Variants in AAMDC observed in about 807,000 individuals in gnomAD.
AAMDC encodes the protein mth938 domain-containing protein.
AAMDC carries 16 observed loss-of-function variants against 15.5 expected under a neutral mutation model. The observed-to-expected ratio is 1.03, with a 90% CI of 0.70 to 1.57. The LOEUF (loss-of-function observed/expected upper bound fraction) is 1.57. Ranked by LOEUF, AAMDC falls within the 40% of genes most tolerant of loss-of-function variation. AAMDC has a pLI of 0.00. For synonymous variants in AAMDC, 51 were observed against 51.6 expected (o/e 0.99, Z 0.05); for missense variants, 141 against 144.9 (o/e 0.97, Z 0.14).
At chr11:77,878,895 T>C in intron 5 of AAMDC, 1 of 1,405,484 alleles carries the variant, frequency 7.1e-7, no homozygotes. Context: ...GCTTGGCTCA[T>C]TCTGACACCT....
At chr11:77,881,427 C>T (rs1160787835) in intron 5 of AAMDC, among the ~76,000 whole-genome samples, 7 of 152,154 alleles carry the variant, frequency 4.6e-5, no homozygotes, top group African/African-American at 1.7e-4. Flanking sequence ...ACTGCAAGCT[C>T]ATTTACAATG....
chr11:77,901,787 G>A (rs1392390352), downstream of AAMDC, among the ~76,000 whole-genome samples: 1 of 151,824 alleles, frequency 6.6e-6, no homozygotes, highest in African/African-American at 2.4e-5. Flanking sequence ...TTGATGATGT[G>A]AAGATAAGAA....
At chr11:77,884,112 T>A (rs1351518811) in intron 5 of AAMDC, among the ~76,000 whole-genome samples, 1 of 152,188 alleles carries the variant, frequency 6.6e-6, no homozygotes, top group African/African-American at 2.4e-5. Flanking sequence ...GACATCTCTA[T>A]TCCCCTAATC....
At chr11:77,882,656 A>ACTG (rs1951838081) in intron 5 of AAMDC, among the ~76,000 whole-genome samples, 1 of 152,144 alleles carries the variant, frequency 6.6e-6, no homozygotes, top group Non-Finnish European at 1.5e-5. Flanking sequence ...GGGTAGCAGA[A>ACTG]CTGCTGGATG....
intron 2 of AAMDC, among the ~76,000 whole-genome samples, chr11:77,843,369 T>A (rs951780359): frequency 2.6e-5 from 4 of 152,096 alleles, no homozygotes; most frequent in African/African-American, 9.7e-5. Flanking sequence ...TTGACCCCAC[T>A]CACCTGGGAT....
downstream of AAMDC, among the ~76,000 whole-genome samples, chr11:77,904,804 G>A (rs1952892150): frequency 6.6e-6 from 1 of 152,186 alleles, no homozygotes; most frequent in African/African-American, 2.4e-5. Context: ...GAAGTGATTA[G>A]CGTGTTTTGG....
At chr11:77,838,297 G>C (rs761699880) in intron 1 of AAMDC, among the ~76,000 whole-genome samples, 1 of 152,174 alleles carries the variant, frequency 6.6e-6, no homozygotes, top group Non-Finnish European at 1.5e-5. Flanking sequence ...AAGTGTTGCT[G>C]TGAACATACC....
intron 2 of AAMDC, among the ~76,000 whole-genome samples, chr11:77,853,735 G>T (rs1950494025): frequency 6.6e-6 from 1 of 152,074 alleles, no homozygotes; most frequent in South Asian, 2.1e-4. Flanking sequence ...CAGGTGAGGA[G>T]TTCAAGACCA....
downstream of AAMDC, among the ~76,000 whole-genome samples, chr11:77,874,441 T>A (rs1951544245): frequency 6.6e-6 from 1 of 151,834 alleles, no homozygotes. Flanking sequence ...AGTGTGGGTG[T>A]AATCATTCTT....
intron 2 of AAMDC, among the ~76,000 whole-genome samples, chr11:77,867,450 G>T (rs1182809331): frequency 4.6e-5 from 7 of 152,050 alleles, no homozygotes. Context: ...ACAAATATTT[G>T]CACATTTTCA....
At chr11:77,890,379 T>C (rs1050166376) in intron 5 of AAMDC, among the ~76,000 whole-genome samples, 9 of 152,220 alleles carry the variant, frequency 5.9e-5, no homozygotes, top group Admixed American at 1.3e-4. Flanking sequence ...GTCCCCTTAT[T>C]GTACTTCCTG....
At chr11:77,872,474 G>A (rs61900171), downstream of AAMDC, 455 of 749,864 alleles carry the variant, frequency 6.1e-4, 1 homozygote, top group Non-Finnish European at 6.5e-4. Flanking sequence ...CAAGGTCCCT[G>A]TCCTTGAGGG....
intron 5 of AAMDC, among the ~76,000 whole-genome samples, chr11:77,889,783 G>A (rs554175523): frequency 2.0e-4 from 31 of 152,294 alleles, no homozygotes; most frequent in African/African-American, 7.5e-4. Context: ...ATGGGGCAGT[G>A]AGTTTCCTGT....
intron 2 of AAMDC, among the ~76,000 whole-genome samples, chr11:77,861,594 TGGGCCTTCCAGTGATTC>T (rs1950880614): frequency 1.3e-5 from 2 of 152,210 alleles, no homozygotes; most frequent in Non-Finnish European, 2.9e-5. Context: ...CCTGGGGCAG[TGGGCCTTCCAGTGATTC>T]CCTTGACATA....
chr11:77,864,074 C>G (rs1344365620), intron 2 of AAMDC, among the ~76,000 whole-genome samples: 1 of 151,648 alleles, frequency 6.6e-6, no homozygotes, highest in African/African-American at 2.4e-5. Flanking sequence ...TTACAGGTGC[C>G]TGCTACCACA....
At chr11:77,895,162 G>A (rs1264707548) in intron 5 of AAMDC, among the ~76,000 whole-genome samples, 1 of 152,012 alleles carries the variant, frequency 6.6e-6, no homozygotes, top group Non-Finnish European at 1.5e-5. Context: ...CAGGCAACAT[G>A]CTAGGTCAGT....
chr11:77,869,889 C>T, intron 3 of AAMDC, 72 bp downstream of exon 3: 2 of 1,449,814 alleles, frequency 1.4e-6, no homozygotes, highest in Non-Finnish European at 1.9e-6. Context: ...ACAGACTTGT[C>T]CTTCTTGGGA....
intron 5 of AAMDC, chr11:77,891,534 T>C (rs1336816781): frequency 6.3e-7 from 1 of 1,587,434 alleles, no homozygotes; most frequent in East Asian, 2.2e-5. Flanking sequence ...ATCTTTTTTC[T>C]GTCTCCTTAT....
downstream of AAMDC, among the ~76,000 whole-genome samples, chr11:77,873,849 A>G (rs1340573835): frequency 6.6e-6 from 1 of 152,238 alleles, no homozygotes; most frequent in Non-Finnish European, 1.5e-5. Context: ...GACATTTACT[A>G]GGTATGGTAT....
Sources: allele counts gnomAD v4.1 joint callset (sites outside exome capture counted in the v4.1 genomes callset), GRCh38; gene constraint gnomAD v4.1.1; transcripts MANE v1.5; gene names NCBI Gene and HGNC (gene_info 2026-07-23, HGNC 2026-07-21).